Variants in THADA observed in about 807,000 individuals in gnomAD.
THADA encodes the protein tRNA (32-2'-O)-methyltransferase regulator THADA.
A neutral mutation model predicts 219.8 loss-of-function variants in THADA; 213 were observed. The ratio of observed to expected loss-of-function variants is 0.97; its 90% CI spans 0.87 to 1.09. The LOEUF (loss-of-function observed/expected upper bound fraction) is 1.09, where lower values mean the gene tolerates loss of function less well. Ranked by LOEUF, THADA falls within the 50% of genes least tolerant of loss-of-function variation. The pLI is 0.00. For missense variants in THADA, 2,956 were observed against 2,311.3 expected, an observed-to-expected ratio of 1.28 and a Z score of -5.72; for synonymous variants, 1,018 against 828.9, an observed-to-expected ratio of 1.23 and a Z score of -3.92.
At chr2:43,500,950 A>G (rs1021178719) in intron 24 of THADA, among the ~76,000 whole-genome samples, 12 of 152,118 alleles carry the variant, frequency 7.9e-5, no homozygotes, top group Middle Eastern at 3.2e-3. Context: ...ATAATCTTTT[A>G]AAAGTACCAT....
chr2:43,500,676 C>T (rs1355186231), intron 24 of THADA, among the ~76,000 whole-genome samples: 1 of 152,120 alleles, frequency 6.6e-6, no homozygotes, highest in Non-Finnish European at 1.5e-5. Context: ...CATAAGGATG[C>T]CTGCTATCTC....
intron 27 of THADA, among the ~76,000 whole-genome samples, chr2:43,429,367 A>G (rs1178095932): frequency 6.6e-6 from 1 of 152,156 alleles, no homozygotes; most frequent in Non-Finnish European, 1.5e-5. Context: ...TTGGCCTCCC[A>G]AAGTGCTGGG....
At chr2:43,260,614 A>C (rs574124940) in intron 36 of THADA, among the ~76,000 whole-genome samples, 1 of 152,332 alleles carries the variant, frequency 6.6e-6, no homozygotes, top group African/African-American at 2.4e-5. Flanking sequence ...TGGGCCTCTA[A>C]GGAGTCTTTA....
Position 43,232,707 on chromosome 2 carries a change from G to C in THADA, c.5466+6C>G. Reference sequence around the variant, plus strand: ...GCCTCCTACTCCCCTGACACCCCGGGATCACCTGATGCATGCTCTCCACAC... The same window carrying C: ...GCCTCCTACTCCCCTGACACCCCGGCATCACCTGATGCATGCTCTCCACAC... On this transcript the variant is annotated splice_donor_region_variant and intron_variant, in intron 37 of 37. Transcript: ENST00000405975. 6.2e-7 allele frequency: 1 copy of C among 1,613,352 alleles called. No individual in the cohort carries two copies. The highest frequency in any genetic ancestry group is 8.5e-7 in the Non-Finnish European group (1 of 1,179,454).
chr2:43,346,224 G>C (rs1027840549), intron 29 of THADA, among the ~76,000 whole-genome samples: 1 of 152,180 alleles, frequency 6.6e-6, no homozygotes, highest in Non-Finnish European at 1.5e-5. Flanking sequence ...GCAATTGTAT[G>C]AAACAGGTTA....
rs771870042 is a variant in THADA, at chr2:43,320,512, C to T, written c.4372G>A (p.Val1458Ile). 6.2e-7 allele frequency: 1 copy of T among 1,612,760 alleles called. No individual in the cohort carries two copies. Among genetic ancestry groups the T allele is most frequent in the Admixed American group, 1.7e-5 (1 of 59,684 alleles). ...AATAGGAAGAGAATATCAATATATA[C>T]AGCTCTGGTCACCAAACATGGATTT... ...RQNPCLVTRAVYIDILFLLTC... is the reference protein window; with the variant it reads ...RQNPCLVTRAIYIDILFLLTC... Residue 1458 changes from valine to isoleucine, a missense_variant, in exon 31 of 38, where the codon GTA becomes ATA. Transcript: ENST00000405975.
chr2:43,569,453 A>T (rs945242590), intron 14 of THADA, among the ~76,000 whole-genome samples: 2 of 152,226 alleles, frequency 1.3e-5, no homozygotes, highest in African/African-American at 4.8e-5. Context: ...GACTCAAGTC[A>T]GCCAACTAAT....
Position 43,365,566 on chromosome 2 carries a change from GACAC to G in THADA, c.4228-21333_4228-21330del, listed in dbSNP as rs375762944. On this transcript the variant is annotated intron_variant, in intron 29 of 37. Coordinates refer to ENST00000405975, the MANE Select transcript of THADA (RefSeq NM_022065.5). ...AGCCCAGGTGACAGAGCAAGACTCT[GACAC>G]ACACACACACACACACACACACACA... is the stretch of plus-strand genomic sequence containing the variant. Among the ~76,000 whole-genome samples the G allele has an allele frequency of 1.8e-3, 263 of 143,586 alleles. 3 individuals are homozygous for G. Among genetic ancestry groups the G allele is most frequent in the East Asian group, 0.015 (72 of 4,864 alleles). The allele number at this position is 143,586 out of a possible 152,430, so 94.2% of individuals were successfully genotyped here.
chr2:43,457,767 C>CT (rs1261762152), intron 26 of THADA, among the ~76,000 whole-genome samples: 25 of 152,148 alleles, frequency 1.6e-4, no homozygotes, highest in Admixed American at 1.6e-3. Context: ...TTTTGCTTCA[C>CT]TTTTTTCTCC....
chr2:43,319,755 C>G (rs1573048077), intron 31 of THADA, among the ~76,000 whole-genome samples: 1 of 152,326 alleles, frequency 6.6e-6, no homozygotes, highest in East Asian at 1.9e-4. Context: ...CAGTTGCAGA[C>G]TCATTACCCT....
intron 24 of THADA, 29 bp from the exon 25 acceptor site, chr2:43,498,984 G>A (rs779889649): frequency 1.3e-6 from 2 of 1,544,762 alleles, no homozygotes; most frequent in Admixed American, 2.0e-5. Context: ...AATTAGTTGT[G>A]GGTTGAAAAC....
chr2:43,484,278 G>T (rs1234511934), intron 26 of THADA: 1 of 166,808 alleles, frequency 6.0e-6, no homozygotes, highest in Non-Finnish European at 1.5e-5. Context: ...ATCACAAAAT[G>T]ATTTCATATT....
At chr2:43,415,438 T>G (rs758671180) in intron 28 of THADA, among the ~76,000 whole-genome samples, 2 of 152,010 alleles carry the variant, frequency 1.3e-5, no homozygotes, top group Non-Finnish European at 2.9e-5. Context: ...TTAATGGGAG[T>G]ATGTATTCAT....
At chr2:43,311,585 T>C (rs1237551356) in intron 31 of THADA, among the ~76,000 whole-genome samples, 1 of 152,180 alleles carries the variant, frequency 6.6e-6, no homozygotes, top group African/African-American at 2.4e-5. Context: ...AGCAGCATTA[T>C]TCATAACAAC....
intron 31 of THADA, among the ~76,000 whole-genome samples, chr2:43,297,850 A>C (rs866292965): frequency 0.011 from 1,195 of 104,688 alleles, 19 homozygotes; most frequent in South Asian, 0.052. Flanking sequence ...CCGCCCGGCC[A>C]GCCGCCCCGT....
At chr2:43,509,464 G>T (rs1247885952) in intron 22 of THADA, among the ~76,000 whole-genome samples, 1 of 152,196 alleles carries the variant, frequency 6.6e-6, no homozygotes, top group East Asian at 1.9e-4. Flanking sequence ...AAATTCAGTG[G>T]TAGGTAGACA....
intron 34 of THADA, among the ~76,000 whole-genome samples, chr2:43,288,140 C>G (rs540750969): frequency 1.3e-5 from 2 of 152,224 alleles, no homozygotes; most frequent in Admixed American, 6.5e-5. Context: ...AATCACAGGC[C>G]GGGCACAGTG....
intron 34 of THADA, among the ~76,000 whole-genome samples, chr2:43,290,861 C>T (rs1249950931): frequency 3.3e-5 from 5 of 151,960 alleles, no homozygotes; most frequent in Admixed American, 3.3e-4. Context: ...TCCCAGGAAG[C>T]TGTTTTTCTT....
chr2:43,388,775 A>G (rs1672999889), intron 29 of THADA, among the ~76,000 whole-genome samples: 1 of 152,214 alleles, frequency 6.6e-6, no homozygotes, highest in African/African-American at 2.4e-5. Context: ...ATTGCTGAAA[A>G]TGGACTTATT....
Sources: allele counts gnomAD v4.1 joint callset (sites outside exome capture counted in the v4.1 genomes callset), GRCh38; gene constraint gnomAD v4.1.1; transcripts MANE v1.5; gene names NCBI Gene and HGNC (gene_info 2026-07-23, HGNC 2026-07-21).